Variants in STARD10 observed in about 807,000 individuals in gnomAD.
STARD10 encodes START domain-containing protein 10.
A neutral mutation model predicts 36.0 loss-of-function variants in STARD10; 24 were observed. The observed-to-expected ratio is 0.67, with a 90% CI of 0.48 to 0.94. The LOEUF (loss-of-function observed/expected upper bound fraction) is 0.94, where lower values mean the gene tolerates loss of function less well. Among genes scored for constraint, STARD10 ranks in the 40% least tolerant of loss-of-function variants. The pLI is 0.00. For synonymous variants in STARD10, 156 were observed against 161.9 expected (o/e 0.96, Z 0.28); for missense variants, 335 against 396.6 (o/e 0.84, Z 1.32).
chr11:72,775,712 G>C (rs1446364393), intron 2 of STARD10, among the ~76,000 whole-genome samples: 1 of 151,992 alleles, frequency 6.6e-6, no homozygotes, highest in Non-Finnish European at 1.5e-5. Context: ...TTGAGGGCAG[G>C]GCTTGGATCT....
chr11:72,764,286 CT>C (rs943700231), intron 2 of STARD10, among the ~76,000 whole-genome samples: 2 of 152,248 alleles, frequency 1.3e-5, no homozygotes, highest in African/African-American at 4.8e-5. Context: ...CAGAGCAGGG[CT>C]GTTGAGGCTC....
At chr11:72,767,160 A>G (rs552321565) in intron 2 of STARD10, among the ~76,000 whole-genome samples, 1 of 152,344 alleles carries the variant, frequency 6.6e-6, no homozygotes, top group East Asian at 1.9e-4. Flanking sequence ...TGGGGCACAA[A>G]GTATCAAATC....
At chr11:72,757,655 A>C in intron 5 of STARD10, 112 bp downstream of exon 5, 1 of 977,916 alleles carries the variant, frequency 1.0e-6, no homozygotes, top group Non-Finnish European at 1.5e-6. Context: ...GAAATGCCCC[A>C]AAATGCAAAA....
chr11:72,789,578 G>T (rs1323938560), intron 1 of STARD10, among the ~76,000 whole-genome samples: 1 of 152,230 alleles, frequency 6.6e-6, no homozygotes, highest in Admixed American at 6.5e-5. Context: ...GGACAGCAGT[G>T]AGGCACAGGG....
chr11:72,773,115 G>A (rs2135620087), intron 2 of STARD10, among the ~76,000 whole-genome samples: 1 of 152,304 alleles, frequency 6.6e-6, no homozygotes, highest in East Asian at 1.9e-4. Flanking sequence ...GGAACAACAT[G>A]ACCAGTATAA....
intron 2 of STARD10, among the ~76,000 whole-genome samples, chr11:72,775,371 C>T (rs1858917246): frequency 6.6e-6 from 1 of 152,178 alleles, no homozygotes; most frequent in Non-Finnish European, 1.5e-5. Context: ...CCTGGCACCC[C>T]AGAGCCTCTA....
At chr11:72,759,136 ATG>A in intron 3 of STARD10, 96 bp downstream of exon 3, 5 of 1,458,330 alleles carry the variant, frequency 3.4e-6, no homozygotes, top group Non-Finnish European at 4.7e-6. Flanking sequence ...CAGCTTGGTC[ATG>A]TGAGTAACCA....
At chr11:72,763,198 A>G (rs1051850878) in intron 2 of STARD10, among the ~76,000 whole-genome samples, 1 of 152,246 alleles carries the variant, frequency 6.6e-6, no homozygotes, top group Non-Finnish European at 1.5e-5. Context: ...GATAAGCTGC[A>G]TATTAAACTC....
chr11:72,783,072 T>C (rs1018838974), intron 1 of STARD10, among the ~76,000 whole-genome samples: 1 of 151,962 alleles, frequency 6.6e-6, no homozygotes, highest in African/African-American at 2.4e-5. Context: ...AGCTCTAGGG[T>C]GGAACAGATT....
chr11:72,763,057 CACAGTG>C (rs1239410984), intron 2 of STARD10, among the ~76,000 whole-genome samples: 1 of 152,184 alleles, frequency 6.6e-6, no homozygotes. Context: ...CTTCCCCTGG[CACAGTG>C]GCCAACTCTT....
intron 2 of STARD10, chr11:72,779,990 C>G (rs1360377231): frequency 1.4e-5 from 4 of 290,162 alleles, no homozygotes; most frequent in Middle Eastern, 8.5e-4. Flanking sequence ...GGAGGGTGGA[C>G]TCCTCCACAT....
At chr11:72,770,460 C>T (rs1188517157) in intron 2 of STARD10, among the ~76,000 whole-genome samples, 1 of 152,176 alleles carries the variant, frequency 6.6e-6, no homozygotes, top group Non-Finnish European at 1.5e-5. Flanking sequence ...TCAAGTGATC[C>T]ACCCATCTCA....
At chr11:72,772,417 ATGGCTC>A (rs1858874670) in intron 2 of STARD10, among the ~76,000 whole-genome samples, 1 of 152,162 alleles carries the variant, frequency 6.6e-6, no homozygotes, top group African/African-American at 2.4e-5. Context: ...CATAGTGGGC[ATGGCTC>A]TGGACTTGTC....
chr11:72,765,399 C>A (rs116593708), intron 2 of STARD10, among the ~76,000 whole-genome samples: 3 of 152,150 alleles, frequency 2.0e-5, no homozygotes, highest in Non-Finnish European at 2.9e-5. Flanking sequence ...CCGGGATTCC[C>A]GAGAACCCCT....
At chr11:72,759,442 C>A in intron 2 of STARD10, 61 bp from the exon 3 acceptor site, 8 of 1,595,372 alleles carry the variant, frequency 5.0e-6, no homozygotes, top group Non-Finnish European at 6.9e-6. Context: ...GGCCAGGGGA[C>A]CAGAAGGCAG....
intron 5 of STARD10, among the ~76,000 whole-genome samples, chr11:72,757,094 G>A (rs1186308981): frequency 1.4e-5 from 2 of 147,862 alleles, no homozygotes; most frequent in Non-Finnish European, 1.5e-5. Flanking sequence ...GCAGTGAGCC[G>A]AGATTGCACC....
At chr11:72,773,374 T>C (rs564165509) in intron 2 of STARD10, among the ~76,000 whole-genome samples, 1 of 152,266 alleles carries the variant, frequency 6.6e-6, no homozygotes, top group East Asian at 1.9e-4. Flanking sequence ...ACAGGGGGCT[T>C]CAGAAGGGGA....
intron 2 of STARD10, among the ~76,000 whole-genome samples, chr11:72,763,406 C>A (rs921698005): frequency 6.6e-6 from 1 of 152,114 alleles, no homozygotes; most frequent in Admixed American, 6.5e-5. Flanking sequence ...TGGCAAATAG[C>A]ACCTTAATCA....
chr11:72,756,013 A>G, intron 5 of STARD10: 1 of 386,970 alleles, frequency 2.6e-6, no homozygotes. Context: ...GTCCTAGGTA[A>G]GCACAGGCTA....
Sources: allele counts gnomAD v4.1 joint callset (sites outside exome capture counted in the v4.1 genomes callset), GRCh38; gene constraint gnomAD v4.1.1; transcripts MANE v1.5; gene names NCBI Gene and HGNC (gene_info 2026-07-23, HGNC 2026-07-21).